Variants in CNTNAP5 observed in about 807,000 individuals in gnomAD.
CNTNAP5 encodes contactin-associated protein-like 5.
In CNTNAP5, 72 loss-of-function variants were observed where a neutral mutation model predicts 150.2. The ratio of observed to expected loss-of-function variants is 0.48; its 90% CI spans 0.40 to 0.58. The LOEUF is 0.58. CNTNAP5 is among the 20% of genes least tolerant of loss of function. The pLI, the probability that CNTNAP5 is intolerant of heterozygous loss-of-function variation, is 0.00. For missense variants in CNTNAP5, 1,636 were observed against 1,626.2 expected (o/e 1.01, Z -0.10); for synonymous variants, 672 against 619.8 (o/e 1.08, Z -1.25).
At chr2:124,029,819 G>A (rs148465516) in intron 1 of CNTNAP5, among the ~76,000 whole-genome samples, 18 of 152,092 alleles carry the variant, frequency 1.2e-4, no homozygotes, top group African/African-American at 3.1e-4. Flanking sequence ...CAGAGTCTTC[G>A]AGTTGATAAG....
Position 124,914,313 on chromosome 2 carries a change from T to C in CNTNAP5, c.*25T>C. 6.5e-7 allele frequency: 1 copy of C among 1,532,996 alleles called. No homozygotes were observed. The highest frequency in any genetic ancestry group is 9.0e-7 in the Non-Finnish European group (1 of 1,113,314). 95.0% of individuals were successfully genotyped at this position (1,532,996 alleles called of 1,614,324 possible). ...AGAAACTGCAGGGTTCCTACTACTC[T>C]TTTTTCTTGTTGTTCAATTATCTCC... On this transcript the variant is annotated 3_prime_UTR_variant, in exon 24 of 24. Transcript: ENST00000682447.
At chr2:124,677,814 G>T (rs996103195) in intron 13 of CNTNAP5, among the ~76,000 whole-genome samples, 1 of 151,926 alleles carries the variant, frequency 6.6e-6, no homozygotes, top group Non-Finnish European at 1.5e-5. Flanking sequence ...AGACAGAAAA[G>T]TTCTCCAAGT....
At chr2:124,335,504 A>T (rs185637304) in intron 3 of CNTNAP5, among the ~76,000 whole-genome samples, 1 of 151,292 alleles carries the variant, frequency 6.6e-6, no homozygotes, top group African/African-American at 2.4e-5. Context: ...TCTTTTTATG[A>T]TGAATGACAC....
At chr2:124,364,038 T>C (rs1426205549) in intron 3 of CNTNAP5, among the ~76,000 whole-genome samples, 1 of 152,176 alleles carries the variant, frequency 6.6e-6, no homozygotes, top group Non-Finnish European at 1.5e-5. Flanking sequence ...AATCAGATGA[T>C]GGCTCTCCTC....
At chr2:124,030,429 T>C (rs1681012891) in intron 1 of CNTNAP5, among the ~76,000 whole-genome samples, 1 of 152,128 alleles carries the variant, frequency 6.6e-6, no homozygotes, top group Non-Finnish European at 1.5e-5. Flanking sequence ...ATCACAGATC[T>C]AAACAATAAA....
intron 3 of CNTNAP5, among the ~76,000 whole-genome samples, chr2:124,322,261 G>A (rs1021690849): frequency 2.0e-5 from 3 of 152,094 alleles, no homozygotes; most frequent in Non-Finnish European, 2.9e-5. Flanking sequence ...AAACAAATCT[G>A]TAAAGAAAAT....
chr2:124,520,712 T>C (rs1694830165), intron 8 of CNTNAP5, among the ~76,000 whole-genome samples: 1 of 152,262 alleles, frequency 6.6e-6, no homozygotes, highest in East Asian at 1.9e-4. Context: ...TGCTCGTCTC[T>C]CCTAAGATAA....
At chr2:124,233,041 G>T (rs1223882239) in intron 2 of CNTNAP5, among the ~76,000 whole-genome samples, 1 of 145,402 alleles carries the variant, frequency 6.9e-6, no homozygotes, top group Admixed American at 6.8e-5. Flanking sequence ...GTATCTGTGG[G>T]TTTTTTTTTT....
chr2:124,120,741 G>C (rs1443561458), intron 1 of CNTNAP5, among the ~76,000 whole-genome samples: 1 of 152,166 alleles, frequency 6.6e-6, no homozygotes, highest in Non-Finnish European at 1.5e-5. Flanking sequence ...AAAGAGTGTA[G>C]TGTGCTTGAA....
chr2:124,153,462 C>T (rs976482283), intron 1 of CNTNAP5, among the ~76,000 whole-genome samples: 2 of 151,920 alleles, frequency 1.3e-5, no homozygotes, highest in East Asian at 3.9e-4. Flanking sequence ...ATTTATGTCT[C>T]ATAGTTCTGG....
chr2:124,536,429 T>C (rs1010722222), intron 10 of CNTNAP5, among the ~76,000 whole-genome samples: 10 of 151,602 alleles, frequency 6.6e-5, no homozygotes, highest in Non-Finnish European at 1.3e-4. Flanking sequence ...GAAATGTGGG[T>C]TGGGGGCCGG....
intron 13 of CNTNAP5, among the ~76,000 whole-genome samples, chr2:124,746,831 G>A (rs1005728047): frequency 5.3e-5 from 8 of 152,002 alleles, no homozygotes; most frequent in East Asian, 1.9e-4. Context: ...TTACTCAATC[G>A]TGCCTGATCT....
Position 124,869,544 on chromosome 2 carries a change from C to T in CNTNAP5, c.3349-131C>T, listed in dbSNP as rs192479002. On this transcript the variant is annotated intron_variant, in intron 20 of 23. Transcript: ENST00000682447. ...AATTAGCGAGACCTGTCTAATCTCT[C>T]CTGAGAGAAAATCTCAGAGGGGGGT... 3.7e-5 allele frequency: 23 copies of T among 624,082 alleles called. No homozygotes were observed. In the African/African-American group the frequency reaches 4.0e-4, roughly 11 times the overall value. The allele number at this position is 624,082 out of a possible 1,614,324, so 38.7% of individuals were successfully genotyped here. A position where few individuals can be genotyped will look rare whatever the true frequency, so the allele number is the denominator to read the frequency against.
At chr2:124,910,223 G>T (rs568041549) in intron 22 of CNTNAP5, among the ~76,000 whole-genome samples, 1 of 152,124 alleles carries the variant, frequency 6.6e-6, no homozygotes, top group African/African-American at 2.4e-5. Context: ...GCTGTGGTAT[G>T]AAGAATTGCG....
At chr2:124,441,390 A>T (rs1692669842) in intron 5 of CNTNAP5, among the ~76,000 whole-genome samples, 1 of 152,068 alleles carries the variant, frequency 6.6e-6, no homozygotes, top group South Asian at 2.1e-4. Context: ...AAGAAAAAAA[A>T]AATGATTATG....
At chr2:124,213,502 T>C (rs1226083593) in intron 1 of CNTNAP5, among the ~76,000 whole-genome samples, 2 of 152,190 alleles carry the variant, frequency 1.3e-5, no homozygotes, top group Admixed American at 6.5e-5. Context: ...CTAATTTATG[T>C]AGTCTGAAAT....
chr2:124,642,353 A>G (rs1678111541), intron 12 of CNTNAP5, among the ~76,000 whole-genome samples: 1 of 152,032 alleles, frequency 6.6e-6, no homozygotes, highest in African/African-American at 2.4e-5. Flanking sequence ...TTCAGTTTGG[A>G]CTATTACATA....
At chr2:124,447,072 T>C in intron 6 of CNTNAP5, 135 bp downstream of exon 6, 1 of 779,840 alleles carries the variant, frequency 1.3e-6, no homozygotes, top group African/African-American at 1.7e-5. Flanking sequence ...TTCCTCCATC[T>C]ATGCCAGATA....
At chr2:124,534,973 A>C (rs1695195429) in intron 10 of CNTNAP5, among the ~76,000 whole-genome samples, 1 of 152,212 alleles carries the variant, frequency 6.6e-6, no homozygotes, top group Non-Finnish European at 1.5e-5. Flanking sequence ...ACTCTGGTTC[A>C]AAAGCCTCTG....
Sources: gnomAD v4.1 joint callset for allele counts (sites outside exome capture counted in the v4.1 genomes callset) on GRCh38, gnomAD v4.1.1 for gene constraint, MANE v1.5 for transcripts, NCBI Gene and HGNC (gene_info 2026-07-23, HGNC 2026-07-21) for gene names.